Variants in KCNC4 observed in about 807,000 individuals in gnomAD.
KCNC4 encodes the protein potassium voltage-gated channel subfamily C member 4.
A neutral mutation model predicts 42.8 loss-of-function variants in KCNC4; 23 were observed. The ratio of observed to expected loss-of-function variants is 0.54; its 90% CI spans 0.39 to 0.76. The LOEUF (loss-of-function observed/expected upper bound fraction) is 0.76. Among genes scored for constraint, KCNC4 ranks in the 30% least tolerant of loss-of-function variants. KCNC4 has a pLI of 0.00. For synonymous variants in KCNC4, 422 were observed against 393.5 expected, an observed-to-expected ratio of 1.07 and a Z score of -0.86; for missense variants, 751 against 898.2, an observed-to-expected ratio of 0.84 and a Z score of 2.10.
rs772738428 is a variant in KCNC4 at position 110,223,540 on chromosome 1, G to A, written c.1255G>A (p.Asp419Asn). 7 of 1,613,806 alleles carry A rather than the reference G, an allele frequency of 4.3e-6. No individual in the cohort carries two copies. The highest frequency in any genetic ancestry group is 2.2e-5 in the East Asian group (1 of 44,886). The change falls in exon 2 of 4, where the codon GAC (aspartate) becomes AAC (asparagine). Residue 419 changes from aspartate (D) to asparagine (N), a missense_variant. Transcript: ENST00000438661. This position sits in a 1 kb window ranked among gnomAD's most constrained non-coding sequence, Gnocchi z 7.5. ...PSDPRGNDHT[D>N]FKNIPIGFWW... ...CGACCCTCGGGGTAATGACCACACCGACTTCAAGAACATCCCCATTGGCTT... is the reference window on the plus strand; with the variant it reads ...CGACCCTCGGGGTAATGACCACACCAACTTCAAGAACATCCCCATTGGCTT...
intron 1 of KCNC4, chr1:110,282,451 GT>G (rs2101096609): frequency 6.6e-6 from 1 of 152,346 alleles, no homozygotes; most frequent in African/African-American, 2.4e-5. Flanking sequence ...GAGCTTTTCT[GT>G]TTTTCCTCTA....
At chr1:110,259,861 G>C (rs1557872695) in intron 1 of KCNC4, among the ~76,000 whole-genome samples, 1 of 152,224 alleles carries the variant, frequency 6.6e-6, no homozygotes, top group Non-Finnish European at 1.5e-5. Flanking sequence ...AATTTTAAGT[G>C]ATGCCTAAAG....
At chr1:110,263,926 C>T (rs1312079379) in intron 1 of KCNC4, among the ~76,000 whole-genome samples, 1 of 152,066 alleles carries the variant, frequency 6.6e-6, no homozygotes, top group Non-Finnish European at 1.5e-5. Flanking sequence ...CCCCCATTCT[C>T]CCTGGTCAAA....
At position 110,233,040 on chromosome 1, in the gene KCNC4, CCA is replaced by C. The variant is rs1658780732; in HGVS notation, c.*69_*70del. ...CAGAGGCTTAGGGAAACTCTGGAAC[CCA>C]GACAAGAATCTTTTCGCTGGGAAAG... On this transcript the variant is annotated 3_prime_UTR_variant, in exon 4 of 4. Coordinates refer to ENST00000438661, the MANE Select transcript of KCNC4 (RefSeq NM_001039574.3). The C allele has an allele frequency of 6.5e-7, 1 of 1,542,564 alleles. No individual in the cohort carries two copies. Among genetic ancestry groups the C allele is most frequent in the African/African-American group, 1.4e-5 (1 of 73,038 alleles).
At chr1:110,277,218 A>G (rs1255333095) in intron 1 of KCNC4, among the ~76,000 whole-genome samples, 1 of 152,242 alleles carries the variant, frequency 6.6e-6, no homozygotes, top group African/African-American at 2.4e-5. Flanking sequence ...TGCCTTTGAA[A>G]TCACTTGCTT....
At chr1:110,274,839 C>T (rs1216966488) in intron 1 of KCNC4, among the ~76,000 whole-genome samples, 4 of 152,118 alleles carry the variant, frequency 2.6e-5, no homozygotes, top group Admixed American at 2.6e-4. Flanking sequence ...GGACCCCTGT[C>T]CCTCACCATA....
intron 3 of KCNC4, among the ~76,000 whole-genome samples, chr1:110,231,705 G>A (rs575109980): frequency 3.9e-5 from 6 of 152,284 alleles, no homozygotes; most frequent in South Asian, 2.1e-4. Flanking sequence ...CTCTGTCTGC[G>A]TGTCCTCAGA....
intron 2 of KCNC4, chr1:110,224,798 GC>G (rs1203422835): frequency 1.3e-5 from 2 of 152,418 alleles, no homozygotes; most frequent in East Asian, 3.9e-4. Context: ...TGTAGGCTGG[GC>G]TCCTGGGAAA....
chr1:110,213,683 A>G (rs1432988187), intron 1 of KCNC4, among the ~76,000 whole-genome samples: 1 of 152,224 alleles, frequency 6.6e-6, no homozygotes, highest in Non-Finnish European at 1.5e-5. Flanking sequence ...CTTTCCTTGC[A>G]GCCCTGAGAC....
At position 110,211,835 on chromosome 1, in the gene KCNC4, C is replaced by T; in HGVS notation, c.336C>T (p.Thr112=). 1.9e-6 allele frequency: 3 copies of T among 1,611,668 alleles called. No homozygotes were observed. The highest frequency in any genetic ancestry group is 2.2e-5 in the East Asian group (1 of 44,874). The change falls in exon 1 of 4, where the codon ACC becomes ACT. Residue 112 remains threonine, a synonymous_variant. Coordinates refer to ENST00000438661, the MANE Select transcript of KCNC4 (RefSeq NM_001039574.3). The surrounding 1 kb of genome is among the most constrained non-coding windows in gnomAD (Gnocchi z 6.5). ...VFAYVLNYYR[T]GKLHCPADVC... ...CCTACGTGCTCAACTACTACCGCAC[C>T]GGCAAGCTGCACTGCCCCGCGGACG...
In KCNC4 at chr1:110,223,520, C is replaced by G. The variant is rs1430042440; in HGVS notation, c.1235C>G (p.Pro412Arg). 1 of 1,613,926 alleles carries G rather than the reference C, an allele frequency of 6.2e-7. No homozygotes were observed. The highest frequency in any genetic ancestry group is 1.7e-5 in the Admixed American group (1 of 60,028). ...CGCATTGGGGCCAGGCCCTCCGACC[C>G]TCGGGGTAATGACCACACCGACTTC... ...AERIGARPSDPRGNDHTDFKN... is the reference protein window; with the variant it reads ...AERIGARPSDRRGNDHTDFKN... The change falls in exon 2 of 4, where the codon CCT (proline) becomes CGT (arginine). Residue 412 changes from proline to arginine, a missense_variant. Physicochemically the swap from Pro to Arg is moderately radical, Grantham distance 103. This residue lies in a region of KCNC4 where 185 missense variants were observed against 293.7 expected (regional missense o/e 0.63). Coordinates refer to ENST00000438661, the MANE Select transcript of KCNC4 (RefSeq NM_001039574.3). This position sits in a 1 kb window ranked among gnomAD's most constrained non-coding sequence, Gnocchi z 7.5.
chr1:110,225,980 A>G lies in KCNC4; in HGVS notation c.1621A>G (p.Lys541Glu), dbSNP rs149951194. 213 of 1,592,298 alleles carry G rather than the reference A, an allele frequency of 1.3e-4. No individual in the cohort carries two copies. The highest frequency in any genetic ancestry group is 8.4e-4 in the Middle Eastern group (5 of 5,942). Residue 541 changes from lysine (K) to glutamate (E), a missense_variant, in exon 3 of 4, where the codon AAG becomes GAG. Lys to Glu is a moderately conservative substitution (Grantham distance 56, BLOSUM62 1). Around this residue, in one of 4 missense-constraint regions of KCNC4, gnomAD observed 202 missense variants for 181.5 expected, o/e 1.11. Coordinates refer to ENST00000438661, the MANE Select transcript of KCNC4 (RefSeq NM_001039574.3). ...GMIERKRADSKQNGDANAVLS... is the reference protein window; with the variant it reads ...GMIERKRADSEQNGDANAVLS... ...TTTCTGTGTGCCCCCTTCAGACTCT[A>G]AGCAGAATGGCGATGCCAACGCAGT...
chr1:110,265,085 A>C (rs1375453703), intron 1 of KCNC4, among the ~76,000 whole-genome samples: 2 of 28,410 alleles, frequency 7.0e-5, no homozygotes, highest in Non-Finnish European at 1.5e-4. Context: ...CTGTCTCAGA[A>C]AAAAAAAAAA....
chr1:110,226,263 C>A (rs530300277), intron 3 of KCNC4, 85 bp downstream of exon 3: 3 of 1,184,444 alleles, frequency 2.5e-6, no homozygotes, highest in Non-Finnish European at 2.5e-6. Context: ...AGGTCCCCCC[C>A]TCCCCTGAGA....
At chr1:110,280,813 C>T (rs1659807183) in intron 1 of KCNC4, among the ~76,000 whole-genome samples, 1 of 152,164 alleles carries the variant, frequency 6.6e-6, no homozygotes, top group African/African-American at 2.4e-5. Context: ...TATCTACCAT[C>T]CTTGGCCACC....
At chr1:110,253,124 A>G (rs539847414), downstream of KCNC4, among the ~76,000 whole-genome samples, 2 of 152,264 alleles carry the variant, frequency 1.3e-5, no homozygotes, top group South Asian at 2.1e-4. Flanking sequence ...TCCCAGTCCA[A>G]TGCACAATGG....
At chr1:110,269,956 A>T (rs1054178479) in intron 1 of KCNC4, among the ~76,000 whole-genome samples, 3 of 152,194 alleles carry the variant, frequency 2.0e-5, no homozygotes, top group African/African-American at 7.2e-5. Context: ...GCAGTCCTAG[A>T]AGGCAGGAAA....
exon 4 of KCNC4, chr1:110,242,630 C>T (rs375164642): frequency 6.6e-6 from 1 of 152,264 alleles, no homozygotes; most frequent in East Asian, 1.9e-4. Flanking sequence ...GGCTTTCTCT[C>T]TGTCGAGGAC....
chr1:110,213,866 GAGAGAT>G (rs909719601), intron 1 of KCNC4, among the ~76,000 whole-genome samples: 8 of 152,066 alleles, frequency 5.3e-5, no homozygotes, highest in African/African-American at 9.7e-5. Flanking sequence ...GGTCGGGGAG[GAGAGAT>G]AGAGATAGAG....
Sources: allele counts gnomAD v4.1 joint callset (sites outside exome capture counted in the v4.1 genomes callset), GRCh38; gene constraint gnomAD v4.1.1; regional missense constraint gnomAD v4.1.1; non-coding constraint Gnocchi (gnomAD v3.1); transcripts MANE v1.5; gene names NCBI Gene and HGNC (gene_info 2026-07-23, HGNC 2026-07-21).